Variants in SVEP1 observed in about 807,000 individuals in gnomAD.
SVEP1 encodes the protein sushi, von Willebrand factor type A, EGF and pentraxin domain containing 1.
SVEP1 carries 164 observed loss-of-function variants against 367.3 expected under a neutral mutation model. The observed-to-expected ratio is 0.45, with a 90% CI of 0.39 to 0.51. The LOEUF (loss-of-function observed/expected upper bound fraction) is 0.51. Among genes scored for constraint, SVEP1 ranks in the 20% least tolerant of loss-of-function variants. SVEP1 has a pLI of 0.00. For missense variants in SVEP1, 4,117 were observed against 4,425.3 expected, an observed-to-expected ratio of 0.93 and a Z score of 1.98; for synonymous variants, 1,666 against 1,611.6, an observed-to-expected ratio of 1.03 and a Z score of -0.81.
At chr9:110,496,560 G>C (rs910968434) in intron 8 of SVEP1, among the ~76,000 whole-genome samples, 1 of 152,192 alleles carries the variant, frequency 6.6e-6, no homozygotes, top group Non-Finnish European at 1.5e-5. Flanking sequence ...CACTTCTGAG[G>C]TTTTGGGACT....
At chr9:110,471,624 A>G (rs548724725) in intron 15 of SVEP1, 27 bp from the exon 16 acceptor site, 89 of 1,536,166 alleles carry the variant, frequency 5.8e-5, no homozygotes, top group Non-Finnish European at 7.7e-5. Flanking sequence ...ATAAAACACA[A>G]CACAAACACA....
intron 41 of SVEP1, 40 bp from the exon 42 acceptor site, chr9:110,387,498 C>G: frequency 1.3e-6 from 2 of 1,529,262 alleles, no homozygotes; most frequent in Non-Finnish European, 1.7e-6. Flanking sequence ...ATTGCTTCCC[C>G]AATTCCTCTT....
intron 7 of SVEP1, among the ~76,000 whole-genome samples, chr9:110,497,192 T>C (rs1931313): frequency 6.6e-6 from 1 of 152,202 alleles, no homozygotes; most frequent in Non-Finnish European, 1.5e-5. Flanking sequence ...ACTCTCCACA[T>C]TGAGTTACTG....
chr9:110,537,100 A>G (rs186503909), intron 3 of SVEP1, among the ~76,000 whole-genome samples: 45 of 152,074 alleles, frequency 3.0e-4, no homozygotes, highest in Admixed American at 2.1e-3. Context: ...CATTTACGAT[A>G]CTTTTTTGAT....
Position 110,546,445 on chromosome 9 carries a change from G to A in SVEP1, c.788-154C>T, listed in dbSNP as rs75844856. Among the ~76,000 whole-genome samples the A allele has an allele frequency of 4.6e-3, 694 of 152,292 alleles. 5 individuals are homozygous for A. The highest frequency in any genetic ancestry group is 0.016 in the African/African-American group (644 of 41,546). ...CCTGCTCCCACCCAAATACGAATGT[G>A]TGTTATTTGTACTAGCGCGCTCTGG... On this transcript the variant is annotated intron_variant, in intron 2 of 47. Transcript: ENST00000374469.
At chr9:110,432,154 T>G in intron 31 of SVEP1, 120 bp from the exon 32 acceptor site, 1 of 1,169,150 alleles carries the variant, frequency 8.6e-7, no homozygotes, top group Non-Finnish European at 1.2e-6. Flanking sequence ...TATATTTGTA[T>G]AGAATTTAAA....
intron 36 of SVEP1, among the ~76,000 whole-genome samples, chr9:110,424,737 C>T (rs144922493): frequency 5.3e-4 from 80 of 152,226 alleles, no homozygotes; most frequent in Non-Finnish European, 9.7e-4. Flanking sequence ...TGCAATGGCG[C>T]GATCTCAGCT....
At chr9:110,512,525 T>C (rs1254573143) in intron 5 of SVEP1, among the ~76,000 whole-genome samples, 1 of 152,144 alleles carries the variant, frequency 6.6e-6, no homozygotes, top group Admixed American at 6.5e-5. Context: ...AGGCTGGAGA[T>C]TACAAGTTGG....
rs1242205993 is a variant in SVEP1 at position 110,472,217 on chromosome 9, C to T, written c.2706G>A (p.Arg902=). The change falls in exon 15 of 48, where the codon CGG becomes CGA. Residue 902 remains arginine, a synonymous_variant. Coordinates refer to ENST00000374469, the MANE Select transcript of SVEP1 (RefSeq NM_153366.4). The part of the protein sequence containing the change: ...ATSIGNAKSS[R]IKRSAPLSDY... ...CAGATAATGGGGCACTTCTTTTAAT[C>T]CGTGAGGACTTGGCATTGCCGATGC... 1.2e-6 allele frequency: 2 copies of T among 1,613,556 alleles called. No homozygotes were observed. The highest frequency in any genetic ancestry group is 1.7e-6 in the Non-Finnish European group (2 of 1,179,798).
chr9:110,573,593 T>C (rs1041618678), intron 1 of SVEP1, among the ~76,000 whole-genome samples: 1 of 151,854 alleles, frequency 6.6e-6, no homozygotes, highest in Non-Finnish European at 1.5e-5. Context: ...GGAAGCTTCA[T>C]GCGATGTTTG....
At chr9:110,428,310 C>T (rs936650768) in intron 35 of SVEP1, among the ~76,000 whole-genome samples, 1 of 152,056 alleles carries the variant, frequency 6.6e-6, no homozygotes, top group African/African-American at 2.4e-5. Flanking sequence ...ATTCACTCCA[C>T]TTTCTCTTCA....
chr9:110,466,954 C>T (rs1270971145), intron 17 of SVEP1, among the ~76,000 whole-genome samples: 1 of 151,962 alleles, frequency 6.6e-6, no homozygotes, highest in Non-Finnish European at 1.5e-5. Flanking sequence ...AGGACTTTGG[C>T]CAGATGCCCT....
chr9:110,480,042 AT>A (rs1435556069), intron 12 of SVEP1, among the ~76,000 whole-genome samples: 1 of 152,250 alleles, frequency 6.6e-6, no homozygotes, highest in African/African-American at 2.4e-5. Context: ...AAGAAGATAC[AT>A]AAAAATTGTT....
At chr9:110,409,173 T>C (rs1452411993) in intron 37 of SVEP1, among the ~76,000 whole-genome samples, 1 of 152,210 alleles carries the variant, frequency 6.6e-6, no homozygotes. Flanking sequence ...TGACGATTCA[T>C]GCCTACAATC....
At chr9:110,518,769 C>T (rs180682253) in intron 3 of SVEP1, among the ~76,000 whole-genome samples, 197 of 152,248 alleles carry the variant, frequency 1.3e-3, no homozygotes, top group South Asian at 3.7e-3. Flanking sequence ...GCGACCTCAT[C>T]ATCTCTCTTC....
chr9:110,553,140 G>A (rs1830312447), intron 1 of SVEP1, among the ~76,000 whole-genome samples: 1 of 152,200 alleles, frequency 6.6e-6, no homozygotes, highest in African/African-American at 2.4e-5. Context: ...CTCAGAGGAT[G>A]GCAGCACAGG....
At position 110,387,472 on chromosome 9, in the gene SVEP1, T is replaced by A; in HGVS notation, c.9887-14A>T. On this transcript the variant is annotated splice_polypyrimidine_tract_variant and intron_variant, in intron 41 of 47. Coordinates refer to ENST00000374469, the MANE Select transcript of SVEP1 (RefSeq NM_153366.4). ...CACACCTGGTCTCTAAAAACAAGAA[T>A]AAAAGCCTCATATTAATTGCTTCCC... The A allele has an allele frequency of 6.3e-7, 1 of 1,584,206 alleles. No homozygotes were observed. The highest frequency in any genetic ancestry group is 8.5e-7 in the Non-Finnish European group (1 of 1,170,880).
At chr9:110,400,786 A>C in intron 40 of SVEP1, 68 bp downstream of exon 40, 1 of 1,486,834 alleles carries the variant, frequency 6.7e-7, no homozygotes. Flanking sequence ...ATTTGTGCTA[A>C]TACTGAAAGT....
chr9:110,459,143 A>G, intron 18 of SVEP1, 30 bp from the exon 19 acceptor site: 7 of 1,604,888 alleles, frequency 4.4e-6, no homozygotes, highest in South Asian at 1.1e-5. Flanking sequence ...TCATATGTGC[A>G]TATAAAGTAA....
Sources: allele counts gnomAD v4.1 joint callset (sites outside exome capture counted in the v4.1 genomes callset), GRCh38; gene constraint gnomAD v4.1.1; transcripts MANE v1.5; gene names NCBI Gene and HGNC (gene_info 2026-07-23, HGNC 2026-07-21).